The following HIF3A variants were observed in gnomAD, a reference collection of about 807,000 sequenced individuals.
HIF3A encodes the protein hypoxia inducible factor 3 subunit alpha.
HIF3A carries 41 observed loss-of-function variants against 67.2 expected under a neutral mutation model. That is an observed-to-expected ratio of 0.61 (90% confidence interval 0.48 to 0.79). HIF3A has a LOEUF of 0.79. Ranked by LOEUF, HIF3A falls within the 30% of genes least tolerant of loss-of-function variation. The probability of loss-of-function intolerance (pLI) is 0.00; values close to 1 mark genes in which losing one functional copy is unlikely to be tolerated. For synonymous variants in HIF3A, 356 were observed against 374.8 expected, an observed-to-expected ratio of 0.95 and a Z score of 0.58; for missense variants, 855 against 898.0, an observed-to-expected ratio of 0.95 and a Z score of 0.61.
intron 14 of HIF3A, among the ~76,000 whole-genome samples, chr19:46,335,210 C>G (rs567810285): frequency 6.6e-6 from 1 of 151,934 alleles, no homozygotes; most frequent in Non-Finnish European, 1.5e-5. Flanking sequence ...GGTGGAAGCC[C>G]GAGCCTAGGT....
At position 46,342,039 on chromosome 19, in the gene HIF3A, C is replaced by G. The variant is rs1473254059; in HGVS notation, c.*2417C>G. ...TCATGACCTGTACCACTCACTAGTTCCAGACTACACAACTTCTAGAAGGTG... is the reference window on the plus strand; with the variant it reads ...TCATGACCTGTACCACTCACTAGTTGCAGACTACACAACTTCTAGAAGGTG... On this transcript the variant is annotated 3_prime_UTR_variant, in exon 15 of 15. Coordinates refer to ENST00000377670, the MANE Select transcript of HIF3A (RefSeq NM_152795.4). 6.6e-6 allele frequency: 1 copy of G among 152,194 alleles called. No homozygotes were observed. The highest frequency in any genetic ancestry group is 1.5e-5 in the Non-Finnish European group (1 of 68,060). The allele number at this position is 152,194 out of a possible 1,614,324, so 9.4% of individuals were successfully genotyped here.
intron 8 of HIF3A, among the ~76,000 whole-genome samples, chr19:46,315,545 CAT>C (rs1969847816): frequency 6.6e-6 from 1 of 151,690 alleles, no homozygotes. Flanking sequence ...TATGAGATCA[CAT>C]GTTTTCATTT....
At chr19:46,301,168 T>A (rs746607580) in intron 1 of HIF3A, among the ~76,000 whole-genome samples, 1 of 152,026 alleles carries the variant, frequency 6.6e-6, no homozygotes, top group Non-Finnish European at 1.5e-5. Flanking sequence ...CAACCCTCCA[T>A]CCAAACTGCC....
In HIF3A at chr19:46,329,255, G is replaced by A; in HGVS notation, c.1489G>A (p.Asp497Asn). 1 of 1,613,048 alleles carries A rather than the reference G, an allele frequency of 6.2e-7. No homozygotes were observed. The highest frequency in any genetic ancestry group is 8.5e-7 in the Non-Finnish European group (1 of 1,179,764). ...LEMLAPYISM[D>N]DDFQLNASEQ... is the part of the protein sequence containing the mutation. ...GATGCTGGCCCCCTACATCTCCATG[G>A]ATGATGACTTCCAGCTCAACGCCAG... Residue 497 changes from aspartate (D) to asparagine (N), a missense_variant, in exon 12 of 15, where the codon GAT becomes AAT. By Grantham distance (23) the Asp-to-Asn change is conservative. This residue lies in a region of HIF3A where 18 missense variants were observed against 43.7 expected (regional missense o/e 0.41). Transcript: ENST00000377670.
chr19:46,298,408 T>G (rs1568493234), intron 1 of HIF3A: 1 of 1,263,302 alleles, frequency 7.9e-7, no homozygotes, highest in Non-Finnish European at 1.0e-6. Context: ...TGGAGTCATC[T>G]CACCGCCGTG....
At chr19:46,310,313 T>C (rs958936512) in intron 6 of HIF3A, among the ~76,000 whole-genome samples, 1 of 152,194 alleles carries the variant, frequency 6.6e-6, no homozygotes, top group Non-Finnish European at 1.5e-5. Context: ...GAGGAATAAT[T>C]GAGCCCAGGA....
rs758228402 is a variant in HIF3A at position 46,320,467 on chromosome 19, G to A, written c.1050G>A (p.Val350=). 4 of 1,614,020 alleles carry A rather than the reference G, an allele frequency of 2.5e-6. No homozygotes were observed. In the African/African-American group the frequency reaches 5.3e-5, roughly 22 times the overall value. Residue 350 remains valine (V), a synonymous_variant, in exon 9 of 15, where the codon GTG becomes GTA. Transcript: ENST00000377670. ...LISQVEETGV[V]LSLEQTEQHS... is the part of the protein sequence containing the mutation. Reference sequence around the variant, plus strand: ...GCCAGGTGGAAGAGACCGGAGTGGTGCTGTCCCTGGAGCAAACGGAGCAAC... The same window carrying A: ...GCCAGGTGGAAGAGACCGGAGTGGTACTGTCCCTGGAGCAAACGGAGCAAC...
chr19:46,328,118 C>G (rs1970926404), intron 11 of HIF3A, among the ~76,000 whole-genome samples: 1 of 152,242 alleles, frequency 6.6e-6, no homozygotes, highest in Non-Finnish European at 1.5e-5. Context: ...AAAGCCCCAA[C>G]CCTCTAATCA....
At chr19:46,313,494 A>G (rs1481867864) in intron 8 of HIF3A, 1 of 156,010 alleles carries the variant, frequency 6.4e-6, no homozygotes, top group Non-Finnish European at 1.3e-5. Context: ...AAACAGACCA[A>G]AAAAAAAAAC....
chr19:46,331,855 CAAAA>C (rs532285027), intron 13 of HIF3A, among the ~76,000 whole-genome samples: 21 of 51,282 alleles, frequency 4.1e-4, no homozygotes, highest in Admixed American at 4.1e-3. Context: ...AACTCCGTCT[CAAAA>C]AAAAAAAAAA....
chr19:46,329,113 A>T, intron 11 of HIF3A, 94 bp from the exon 12 acceptor site: 5 of 1,216,588 alleles, frequency 4.1e-6, no homozygotes, highest in Non-Finnish European at 5.7e-6. Flanking sequence ...TGTTGACCAC[A>T]GGCACAGAAC....
intron 8 of HIF3A, among the ~76,000 whole-genome samples, chr19:46,314,616 G>A (rs1969769730): frequency 6.8e-6 from 1 of 146,690 alleles, no homozygotes; most frequent in Non-Finnish European, 1.5e-5. Flanking sequence ...GGAGTGCACT[G>A]GCACGATCTC....
intron 14 of HIF3A, among the ~76,000 whole-genome samples, chr19:46,336,294 A>T (rs760477146): frequency 3.3e-5 from 5 of 151,682 alleles, no homozygotes; most frequent in Admixed American, 6.6e-5. Context: ...GGGTTTCACC[A>T]TGTTAGCCAG....
At chr19:46,315,606 G>A (rs895464136) in intron 8 of HIF3A, among the ~76,000 whole-genome samples, 6 of 152,106 alleles carry the variant, frequency 3.9e-5, no homozygotes, top group Non-Finnish European at 8.8e-5. Context: ...TATAGTAACT[G>A]TATATTTAAT....
intron 12 of HIF3A, 55 bp downstream of exon 12, chr19:46,329,533 C>T: frequency 6.9e-7 from 1 of 1,446,794 alleles, no homozygotes; most frequent in South Asian, 1.5e-5. Context: ...CCCGTCTTGC[C>T]CCTGCCTCCT....
intron 13 of HIF3A, among the ~76,000 whole-genome samples, chr19:46,334,232 C>T (rs912514774): frequency 6.6e-6 from 1 of 152,172 alleles, no homozygotes; most frequent in African/African-American, 2.4e-5. Flanking sequence ...GCTGGGATTA[C>T]AGACATGCGC....
chr19:46,312,979 G>T (rs1202995588), intron 8 of HIF3A: 2 of 1,005,114 alleles, frequency 2.0e-6, no homozygotes. Context: ...GCCTGGCATG[G>T]TGGCTCATGC....
intron 11 of HIF3A, among the ~76,000 whole-genome samples, chr19:46,327,724 G>T (rs764451564): frequency 6.6e-6 from 1 of 152,142 alleles, no homozygotes; most frequent in African/African-American, 2.4e-5. Context: ...CCAGACTCCT[G>T]TAGACTCCCT....
chr19:46,324,933 TATATATATAC>T (rs1970649354), intron 10 of HIF3A, among the ~76,000 whole-genome samples: 1 of 138,190 alleles, frequency 7.2e-6, no homozygotes, highest in African/African-American at 2.7e-5. Context: ...TATATACACA[TATATATATAC>T]ATATATATAT....
Sources: allele counts gnomAD v4.1 joint callset (sites outside exome capture counted in the v4.1 genomes callset), GRCh38; gene constraint gnomAD v4.1.1; regional missense constraint gnomAD v4.1.1; transcripts MANE v1.5; gene names NCBI Gene and HGNC (gene_info 2026-07-23, HGNC 2026-07-21).